The following TBC1D30 variants were observed in gnomAD, a reference collection of about 807,000 sequenced individuals.
TBC1D30 encodes TBC1 domain family, member 30.
Under a neutral mutation model 63.2 loss-of-function variants are expected in TBC1D30, and 31 were observed. The ratio of observed to expected loss-of-function variants is 0.49; its 90% CI spans 0.37 to 0.66. The LOEUF (loss-of-function observed/expected upper bound fraction) is 0.66. Ranked by LOEUF, TBC1D30 falls within the 30% of genes least tolerant of loss-of-function variation. The probability of loss-of-function intolerance (pLI) is 0.00; values close to 1 mark genes in which losing one functional copy is unlikely to be tolerated. For missense variants in TBC1D30, 810 were observed against 953.6 expected, an observed-to-expected ratio of 0.85 and a Z score of 1.98; for synonymous variants, 307 against 361.5, an observed-to-expected ratio of 0.85 and a Z score of 1.71.
chr12:64,833,867 G>GT (rs11382841), intron 5 of TBC1D30, among the ~76,000 whole-genome samples: 105,188 of 150,328 alleles, frequency 0.7, 37,509 homozygotes, highest in East Asian at 0.9. Flanking sequence ...GCTTTCATCA[G>GT]TTTTTTTTTT....
intron 2 of TBC1D30, among the ~76,000 whole-genome samples, chr12:64,788,333 A>G (rs1871720429): frequency 6.6e-6 from 1 of 152,068 alleles, no homozygotes. Context: ...TTCCCCTTCT[A>G]TTATGAGATA....
rs562327462 is a variant in TBC1D30 at position 64,875,262 on chromosome 12, A to G, written c.1760A>G (p.Asp587Gly). The change falls in exon 12 of 12, where the codon GAC (aspartate) becomes GGC (glycine). Residue 587 changes from aspartate (D) to glycine (G), a missense_variant. This residue lies in a region of TBC1D30 where 450 missense variants were observed against 473.0 expected (regional missense o/e 0.95). Transcript: ENST00000539867. ...PRTKSHPGCG[D>G]TVGLIDEQNE... ...ACCAAGAGTCATCCGGGCTGTGGGG[A>G]CACCGTAGGGCTGATAGATGAGCAG... 6.5e-7 allele frequency: 1 copy of G among 1,536,272 alleles called. No individual in the cohort carries two copies. Among genetic ancestry groups the G allele is most frequent in the African/African-American group, 1.4e-5 (1 of 73,150 alleles).
In TBC1D30 at chr12:64,878,534, G is replaced by C. The variant is rs1879245577; in HGVS notation, c.*2746G>C. On this transcript the variant is annotated 3_prime_UTR_variant, in exon 12 of 12. Transcript: ENST00000539867. ...AGTTAGCAATGTCAGCCTGTGGACT[G>C]CAGCTGTTTGGGACATTGTATTCCT... 1 of 456,592 alleles carries C rather than the reference G, an allele frequency of 2.2e-6. No individual in the cohort carries two copies. Among genetic ancestry groups the C allele is most frequent in the Non-Finnish European group, 4.4e-6 (1 of 226,972 alleles). 28.3% of individuals were successfully genotyped at this position (456,592 alleles called of 1,614,324 possible).
intron 2 of TBC1D30, among the ~76,000 whole-genome samples, chr12:64,800,700 A>G (rs988512886): frequency 4.6e-5 from 7 of 152,128 alleles, no homozygotes; most frequent in Non-Finnish European, 1.0e-4. Flanking sequence ...AGAAGAGCCA[A>G]CAAGGAGAGC....
At chr12:64,859,653 A>G (rs1369226174) in intron 8 of TBC1D30, among the ~76,000 whole-genome samples, 1 of 152,208 alleles carries the variant, frequency 6.6e-6, no homozygotes, top group African/African-American at 2.4e-5. Context: ...GGCAACCCAT[A>G]ATCTCCTGGC....
intron 1 of TBC1D30, among the ~76,000 whole-genome samples, chr12:64,782,205 G>T (rs1432989148): frequency 6.6e-6 from 1 of 151,760 alleles, no homozygotes; most frequent in Middle Eastern, 3.4e-3. Context: ...AACAGATGCC[G>T]AGCCACCATA....
At chr12:64,795,196 C>A (rs1260784873) in intron 2 of TBC1D30, among the ~76,000 whole-genome samples, 1 of 152,156 alleles carries the variant, frequency 6.6e-6, no homozygotes, top group East Asian at 1.9e-4. Flanking sequence ...TCAGTATCTT[C>A]AAGTCTTTCA....
At chr12:64,774,538 G>C (rs57395380) in intron 1 of TBC1D30, among the ~76,000 whole-genome samples, 2 of 152,110 alleles carry the variant, frequency 1.3e-5, no homozygotes, top group Non-Finnish European at 2.9e-5. Context: ...AGGGGACCTA[G>C]AGAGAAAAGC....
chr12:64,809,584 ACTT>A (rs1171354027), intron 2 of TBC1D30, among the ~76,000 whole-genome samples: 1 of 152,216 alleles, frequency 6.6e-6, no homozygotes, highest in African/African-American at 2.4e-5. Flanking sequence ...TCAAATAATG[ACTT>A]CTTTTTATTA....
At chr12:64,831,848 C>G (rs890436979) in intron 4 of TBC1D30, among the ~76,000 whole-genome samples, 2 of 152,138 alleles carry the variant, frequency 1.3e-5, no homozygotes, top group East Asian at 3.8e-4. Flanking sequence ...TAATTCTGAG[C>G]TACTTTTTGT....
intron 8 of TBC1D30, among the ~76,000 whole-genome samples, chr12:64,849,580 T>C (rs1346561627): frequency 6.6e-6 from 1 of 152,140 alleles, no homozygotes; most frequent in East Asian, 1.9e-4. Context: ...ATCAGATGGT[T>C]GTAGATGTGT....
chr12:64,857,788 C>T (rs1303778336), intron 8 of TBC1D30, among the ~76,000 whole-genome samples: 1 of 152,234 alleles, frequency 6.6e-6, no homozygotes, highest in African/African-American at 2.4e-5. Flanking sequence ...ATGGGCGATT[C>T]CCCACTGGCT....
rs1363014840 is a variant in TBC1D30, at chr12:64,875,783, C to T, written c.2281C>T (p.Arg761Ter). The change falls in exon 12 of 12, where the codon CGA becomes TGA. Residue 761 changes from arginine (R) to a stop codon, truncating the protein, a stop_gained. Transcript: ENST00000539867. LOFTEE classifies it high-confidence loss of function. ...CGGTGGAAACAGTGGCACTAAAAAA[C>T]GATGATGTCTCCCCGAAACTTTGTA... ...PGGGNSGTKK[R>*] is the part of the protein sequence containing the mutation. The T allele has an allele frequency of 1.5e-5, 23 of 1,527,944 alleles. No homozygotes were observed. Among genetic ancestry groups the T allele is most frequent in the South Asian group, 3.6e-5 (3 of 82,826 alleles). 94.6% of individuals were successfully genotyped at this position (1,527,944 alleles called of 1,614,324 possible).
At chr12:64,782,734 GCCA>G (rs1217070848) in intron 1 of TBC1D30, among the ~76,000 whole-genome samples, 1 of 152,136 alleles carries the variant, frequency 6.6e-6, no homozygotes, top group Non-Finnish European at 1.5e-5. Flanking sequence ...CATATGAGTG[GCCA>G]CACAACTAAC....
At chr12:64,763,402 T>C (rs898085014) in intron 1 of TBC1D30, among the ~76,000 whole-genome samples, 5 of 152,234 alleles carry the variant, frequency 3.3e-5, no homozygotes, top group African/African-American at 4.8e-5. Context: ...TGAGATATAA[T>C]TGACAACAAA....
chr12:64,861,486 G>A (rs371399407), intron 8 of TBC1D30, among the ~76,000 whole-genome samples: 27 of 152,200 alleles, frequency 1.8e-4, no homozygotes, highest in African/African-American at 4.3e-4. Flanking sequence ...TTTTTGAGCC[G>A]AAGAGATGAA....
chr12:64,777,674 C>T (rs1592530101), upstream of TBC1D30, among the ~76,000 whole-genome samples: 1 of 152,204 alleles, frequency 6.6e-6, no homozygotes, highest in Admixed American at 6.5e-5. Flanking sequence ...TTAAATTGGC[C>T]ATGCTGCCCA....
At position 64,875,031 on chromosome 12, in the gene TBC1D30, C is replaced by T; in HGVS notation, c.1529C>T (p.Ser510Phe). The change falls in exon 12 of 12, where the codon TCT (serine) becomes TTT (phenylalanine). Residue 510 changes from serine to phenylalanine, a missense_variant. Ser to Phe is a radical substitution (Grantham distance 155). Around this residue, in one of 4 missense-constraint regions of TBC1D30, gnomAD observed 450 missense variants for 473.0 expected, o/e 0.95. Transcript: ENST00000539867. Reference sequence around the variant, plus strand: ...GGGCCAGTGACCAGCATTCTCCCGTCTCAGGTAAACAGTTCTCCAGTTATA... The same window carrying T: ...GGGCCAGTGACCAGCATTCTCCCGTTTCAGGTAAACAGTTCTCCAGTTATA... ...DKGPVTSILP[S>F]QVNSSPVINH... 4 of 1,536,672 alleles carry T rather than the reference C, an allele frequency of 2.6e-6. No individual in the cohort carries two copies. The highest frequency in any genetic ancestry group is 3.5e-6 in the Non-Finnish European group (4 of 1,146,994).
rs192440856 is a variant in TBC1D30, at chr12:64,870,746, G to A, written c.1436G>A (p.Arg479Gln). ...RMTTDINALK[R>Q]QYSRIKKKQQ... is the part of the protein sequence containing the mutation. ...ACCACAGATATCAATGCACTGAAGCGGCAGTACTCTCGAATTAAAAAGAAG... is the reference window on the plus strand; with the variant it reads ...ACCACAGATATCAATGCACTGAAGCAGCAGTACTCTCGAATTAAAAAGAAG... The change falls in exon 11 of 12, where the codon CGG becomes CAG. Residue 479 changes from arginine to glutamine, a missense_variant. Coordinates refer to ENST00000539867, the MANE Select transcript of TBC1D30 (RefSeq NM_015279.2). The A allele has an allele frequency of 7.8e-5, 120 of 1,536,000 alleles. 1 individual carries two copies. In the Admixed American group the frequency reaches 1.9e-3, roughly 25 times the overall value.
Sources: gnomAD v4.1 joint callset for allele counts (sites outside exome capture counted in the v4.1 genomes callset) on GRCh38, gnomAD v4.1.1 for gene constraint, gnomAD v4.1.1 regional missense constraint, MANE v1.5 for transcripts, NCBI Gene and HGNC (gene_info 2026-07-23, HGNC 2026-07-21) for gene names.